GPBP1: variants seen among roughly 807,000 people sequenced by gnomAD.
The protein encoded by GPBP1 is GC-rich promoter binding protein 1, also known as vasculin.
In GPBP1, 13 loss-of-function variants were observed where a neutral mutation model predicts 56.5. The observed-to-expected ratio is 0.23, with a 90% CI of 0.15 to 0.37. The LOEUF (loss-of-function observed/expected upper bound fraction) is 0.37, where lower values mean the gene tolerates loss of function less well. Ranked by LOEUF, GPBP1 falls within the 10% of genes least tolerant of loss-of-function variation. GPBP1 has a pLI of 1.00. For synonymous variants in GPBP1, 204 were observed against 188.9 expected (o/e 1.08, Z -0.66); for missense variants, 477 against 572.3 (o/e 0.83, Z 1.70).
At position 57,179,252 on chromosome 5, in the gene GPBP1, T is replaced by C. The variant is rs915898850; in HGVS notation, c.-58+2852T>C. 1.3e-5 allele frequency among the ~76,000 whole-genome samples: 2 copies of C among 152,248 alleles called. 1 individual carries two copies. Among genetic ancestry groups the C allele is most frequent in the South Asian group, 4.1e-4 (2 of 4,832 alleles). ...CTGCTTCTCTTTGGTTGATGTTGAT[T>C]ACAGACTGCTAATGGAGTTTGGAAA... On this transcript the variant is annotated intron_variant, in intron 2 of 11. Transcript: ENST00000506184.
chr5:57,179,372 A>T (rs370068783), intron 2 of GPBP1, among the ~76,000 whole-genome samples: 1 of 64,054 alleles, frequency 1.6e-5, no homozygotes, highest in Non-Finnish European at 4.5e-5. Context: ...TGTTTGAGAC[A>T]GGGTCTCGCT....
intron 3 of GPBP1, among the ~76,000 whole-genome samples, chr5:57,224,411 T>G (rs2111819248): frequency 6.6e-6 from 1 of 151,864 alleles, no homozygotes; most frequent in South Asian, 2.1e-4. Context: ...CCCGGCTAAT[T>G]TTTGTATTTT....
At chr5:57,195,737 G>T (rs1754714023) in intron 2 of GPBP1, among the ~76,000 whole-genome samples, 1 of 151,896 alleles carries the variant, frequency 6.6e-6, no homozygotes, top group Non-Finnish European at 1.5e-5. Context: ...AGTGGCTCGT[G>T]AGCGCCTGTA....
chr5:57,197,360 CT>C (rs34110209), intron 2 of GPBP1, among the ~76,000 whole-genome samples: 70 of 119,836 alleles, frequency 5.8e-4, no homozygotes, highest in East Asian at 4.4e-3. Flanking sequence ...TATCATTTTG[CT>C]TTTTTTTTTT....
intron 3 of GPBP1, among the ~76,000 whole-genome samples, chr5:57,216,989 TAAA>T (rs1755724383): frequency 1.3e-5 from 2 of 152,146 alleles, no homozygotes; most frequent in Admixed American, 1.3e-4. Context: ...CTTATATAAA[TAAA>T]AATAGAATAG....
At position 57,214,174 on chromosome 5, in the gene GPBP1, C is replaced by A. The variant is rs1755608083; in HGVS notation, c.44C>A (p.Thr15Asn). 8.7e-6 allele frequency: 14 copies of A among 1,613,310 alleles called. No homozygotes were observed. The highest frequency in any genetic ancestry group is 1.1e-5 in the Non-Finnish European group (13 of 1,179,296). The change falls in exon 3 of 12, where the codon ACT (threonine) becomes AAT (asparagine). Residue 15 changes from threonine (T) to asparagine (N), a missense_variant. Physicochemically the swap from Thr to Asn is moderately conservative, Grantham distance 65. Coordinates refer to ENST00000506184, the MANE Select transcript of GPBP1 (RefSeq NM_022913.4). ...GCTCCAGCCTGGCTTAATTTCCCTA[C>A]TCCACCATCATCAACAAAGGTACTC... ...DFAPAWLNFP[T>N]PPSSTKSSLN...
intron 6 of GPBP1, chr5:57,237,124 CAG>C: frequency 6.5e-7 from 1 of 1,548,470 alleles, no homozygotes; most frequent in Non-Finnish European, 8.7e-7. Context: ...CCTACACGCC[CAG>C]ACACACACAT....
At chr5:57,212,371 G>C (rs1030298912) in intron 2 of GPBP1, among the ~76,000 whole-genome samples, 3 of 152,124 alleles carry the variant, frequency 2.0e-5, no homozygotes, top group African/African-American at 7.2e-5. Context: ...AGACACCTTA[G>C]TTTTCATTGT....
chr5:57,175,890 C>T lies in GPBP1; in HGVS notation c.-568C>T, dbSNP rs1040891620. Reference sequence around the variant, plus strand: ...TAGGAATTTTTGACTTCAGCTCTTTCATGTCACAATGGGACACTTTTTCTG... The same window carrying T: ...TAGGAATTTTTGACTTCAGCTCTTTTATGTCACAATGGGACACTTTTTCTG... On this transcript the variant is annotated 5_prime_UTR_variant, in exon 2 of 12. Transcript: ENST00000506184. 7.5e-6 allele frequency: 3 copies of T among 398,098 alleles called. No homozygotes were observed. Among genetic ancestry groups the T allele is most frequent in the African/African-American group, 6.2e-5 (3 of 48,624 alleles). The allele number at this position is 398,098 out of a possible 1,614,324, so 24.7% of individuals were successfully genotyped here. A position where few individuals can be genotyped will look rare whatever the true frequency, so the allele number is the denominator to read the frequency against.
chr5:57,240,447 C>G (rs1057336667), intron 6 of GPBP1, among the ~76,000 whole-genome samples: 6 of 152,192 alleles, frequency 3.9e-5, no homozygotes, highest in Non-Finnish European at 7.3e-5. Context: ...CCCAACCATT[C>G]AGTGTAGGTT....
At chr5:57,224,199 T>C (rs1019813299) in intron 3 of GPBP1, among the ~76,000 whole-genome samples, 3 of 151,372 alleles carry the variant, frequency 2.0e-5, no homozygotes, top group Non-Finnish European at 4.4e-5. Context: ...CAGGCTGGAG[T>C]ACAGTGGCGT....
chr5:57,221,466 T>C (rs1168463785), intron 3 of GPBP1: 16 of 930,912 alleles, frequency 1.7e-5, no homozygotes, highest in Middle Eastern at 2.2e-4. Flanking sequence ...CCATTTGTTA[T>C]GCTAGGAAGG....
intron 6 of GPBP1, among the ~76,000 whole-genome samples, chr5:57,240,938 G>A (rs1290583749): frequency 1.3e-5 from 2 of 150,786 alleles, no homozygotes; most frequent in Admixed American, 6.6e-5. Context: ...GGCAACAAGA[G>A]CGAAACTCTG....
intron 2 of GPBP1, among the ~76,000 whole-genome samples, chr5:57,199,597 A>T (rs958069837): frequency 6.6e-6 from 1 of 152,062 alleles, no homozygotes; most frequent in Admixed American, 6.6e-5. Context: ...CACAACGTGC[A>T]GGTTTGTTAC....
intron 11 of GPBP1, 119 bp downstream of exon 11, chr5:57,261,401 CT>C: frequency 6.7e-6 from 4 of 597,842 alleles, no homozygotes; most frequent in East Asian, 2.9e-5. Flanking sequence ...GTCAGAATTG[CT>C]TTTAAAAAAA....
At chr5:57,195,785 C>G (rs111870798) in intron 2 of GPBP1, among the ~76,000 whole-genome samples, 1 of 151,840 alleles carries the variant, frequency 6.6e-6, no homozygotes, top group Non-Finnish European at 1.5e-5. Context: ...GGCGGATCAC[C>G]TGAGGTCAGG....
intron 1 of GPBP1, 131 bp from the exon 2 acceptor site, chr5:57,175,316 GC>G (rs999494464): frequency 3.4e-5 from 13 of 382,592 alleles, no homozygotes; most frequent in Non-Finnish European, 6.0e-5. Flanking sequence ...GGGTAAAGAA[GC>G]CCTTTTCCAG....
At chr5:57,221,295 T>G in intron 3 of GPBP1, 3 of 960,742 alleles carry the variant, frequency 3.1e-6, no homozygotes, top group Middle Eastern at 2.4e-4. Flanking sequence ...GGCGCACTAG[T>G]TTTTTCTTTT....
intron 5 of GPBP1, among the ~76,000 whole-genome samples, chr5:57,234,220 A>T (rs1756575856): frequency 6.6e-6 from 1 of 152,168 alleles, no homozygotes; most frequent in African/African-American, 2.4e-5. Flanking sequence ...TATATTAAGT[A>T]CCTTCTTTAA....
Sources: gnomAD v4.1 joint callset for allele counts (sites outside exome capture counted in the v4.1 genomes callset) on GRCh38, gnomAD v4.1.1 for gene constraint, MANE v1.5 for transcripts, NCBI Gene and HGNC (gene_info 2026-07-23, HGNC 2026-07-21) for gene names.